EYA2: variants seen among roughly 807,000 people sequenced by gnomAD.
EYA2 encodes EYA transcriptional coactivator and phosphatase 2.
In EYA2, 31 loss-of-function variants were observed where a neutral mutation model predicts 69.2. The ratio of observed to expected loss-of-function variants is 0.45; its 90% CI spans 0.34 to 0.60. The LOEUF is 0.60. EYA2 is among the 20% of genes least tolerant of loss of function. The pLI is 0.02. For synonymous variants in EYA2, 257 were observed against 279.4 expected, an observed-to-expected ratio of 0.92 and a Z score of 0.80; for missense variants, 622 against 701.2, an observed-to-expected ratio of 0.89 and a Z score of 1.28.
chr20:46,982,775 CTT>C (rs10701469), intron 1 of EYA2, among the ~76,000 whole-genome samples: 24 of 137,338 alleles, frequency 1.7e-4, no homozygotes, highest in East Asian at 4.1e-4. Flanking sequence ...CTGTAATTTC[CTT>C]TTTTTTTTTT....
intron 5 of EYA2, among the ~76,000 whole-genome samples, chr20:47,041,838 AT>A (rs11355706): frequency 0.028 from 4,190 of 150,250 alleles, 205 homozygotes; most frequent in African/African-American, 0.095. Flanking sequence ...CTATTATTTG[AT>A]TTTTTTTTTA....
intron 8 of EYA2, among the ~76,000 whole-genome samples, chr20:47,093,997 A>G (rs538645029): frequency 4.3e-4 from 65 of 152,276 alleles, no homozygotes; most frequent in African/African-American, 1.5e-3. Context: ...CCTAGCCCCA[A>G]TTTTAAATTG....
At chr20:47,119,148 T>C (rs1056435150) in intron 9 of EYA2, among the ~76,000 whole-genome samples, 1 of 152,226 alleles carries the variant, frequency 6.6e-6, no homozygotes, top group African/African-American at 2.4e-5. Context: ...ACCTGCACTT[T>C]TTACACTACT....
chr20:46,901,052 A>C (rs892088215), intron 1 of EYA2: 36 of 152,206 alleles, frequency 2.4e-4, no homozygotes. Flanking sequence ...AAGTGGACAC[A>C]GAAAGCGGGT....
intron 1 of EYA2, among the ~76,000 whole-genome samples, chr20:46,928,825 C>T (rs1301756455): frequency 6.6e-6 from 1 of 152,182 alleles, no homozygotes; most frequent in Non-Finnish European, 1.5e-5. Flanking sequence ...CTTTCAGGGA[C>T]TGCTATACAG....
intron 1 of EYA2, among the ~76,000 whole-genome samples, chr20:46,921,078 A>T (rs1267366956): frequency 6.6e-6 from 1 of 152,160 alleles, no homozygotes; most frequent in Non-Finnish European, 1.5e-5. Context: ...GGCTGGGTAG[A>T]TGCCATTTCT....
intron 5 of EYA2, among the ~76,000 whole-genome samples, chr20:47,053,383 C>T (rs185491665): frequency 7.9e-5 from 12 of 152,078 alleles, no homozygotes; most frequent in African/African-American, 2.9e-4. Context: ...GAGTAACATT[C>T]GGCCGGGTGC....
At position 47,020,599 on chromosome 20, in the gene EYA2, GA is replaced by G. The variant is rs371558551; in HGVS notation, c.415+4309del. 9.6e-3 allele frequency among the ~76,000 whole-genome samples: 1,455 copies of G among 152,112 alleles called. 18 individuals are homozygous for G. Among genetic ancestry groups the G allele is most frequent in the African/African-American group, 0.032 (1,310 of 41,486 alleles). ...TAACCACAAAGATTAAAAAGAGGGGGAAAAAAATCTCCAGAGTGTGTTATAA... is the reference window on the plus strand; with the variant it reads ...TAACCACAAAGATTAAAAAGAGGGGGAAAAAATCTCCAGAGTGTGTTATAA... On this transcript the variant is annotated intron_variant, in intron 5 of 15. Transcript: ENST00000327619.
At chr20:46,957,575 AC>A (rs35077194) in intron 1 of EYA2, among the ~76,000 whole-genome samples, 21,604 of 109,536 alleles carry the variant, frequency 0.2, 1,953 homozygotes, top group Middle Eastern at 0.22. Flanking sequence ...ACACACACAC[AC>A]ACGAAGACAA....
intron 1 of EYA2, among the ~76,000 whole-genome samples, chr20:46,913,426 G>T (rs1053973936): frequency 6.6e-6 from 1 of 152,126 alleles, no homozygotes; most frequent in Non-Finnish European, 1.5e-5. Context: ...TCAGATTTTT[G>T]ACTTCTAAGC....
At chr20:47,091,609 G>T (rs1484719049) in intron 8 of EYA2, among the ~76,000 whole-genome samples, 8 of 149,778 alleles carry the variant, frequency 5.3e-5, no homozygotes, top group Non-Finnish European at 1.2e-4. Flanking sequence ...GCCAGCCATG[G>T]TGGCACACAC....
intron 10 of EYA2, among the ~76,000 whole-genome samples, chr20:47,165,036 C>G (rs2034153807): frequency 6.6e-6 from 1 of 152,204 alleles, no homozygotes; most frequent in African/African-American, 2.4e-5. Context: ...CTGCAGCGTT[C>G]ACTGCAATAA....
intron 8 of EYA2, among the ~76,000 whole-genome samples, chr20:47,093,839 C>T (rs1267405111): frequency 6.6e-6 from 1 of 152,230 alleles, no homozygotes. Flanking sequence ...ACGCCAAACT[C>T]GCTGAGTCAC....
chr20:46,928,800 A>T (rs1985526712), intron 1 of EYA2, among the ~76,000 whole-genome samples: 1 of 152,220 alleles, frequency 6.6e-6, no homozygotes, highest in African/African-American at 2.4e-5. Flanking sequence ...CTGAGTCAGG[A>T]TGCAGATGGG....
chr20:46,946,890 CTTTG>C (rs1206861342), intron 1 of EYA2, among the ~76,000 whole-genome samples: 1 of 151,420 alleles, frequency 6.6e-6, no homozygotes, highest in African/African-American at 2.4e-5. Context: ...GTTTCTACTT[CTTTG>C]TTTGATCCCC....
At chr20:47,153,059 A>G (rs906166788) in intron 10 of EYA2, among the ~76,000 whole-genome samples, 6 of 151,938 alleles carry the variant, frequency 3.9e-5, no homozygotes, top group Non-Finnish European at 8.8e-5. Flanking sequence ...ACAGTCTTGT[A>G]CAAAGTGGAA....
At chr20:47,063,829 C>A (rs1266651479) in intron 5 of EYA2, among the ~76,000 whole-genome samples, 2 of 152,360 alleles carry the variant, frequency 1.3e-5, no homozygotes, top group East Asian at 3.9e-4. Context: ...TCCCACCACT[C>A]TGTGGGGTGT....
intron 9 of EYA2, among the ~76,000 whole-genome samples, chr20:47,113,938 A>G (rs947013): frequency 0.99 from 149,685 of 151,960 alleles, 73,741 homozygotes; most frequent in East Asian, 1. Flanking sequence ...AAATGGAACT[A>G]GGTGTCATTC....
intron 1 of EYA2, among the ~76,000 whole-genome samples, chr20:46,984,820 A>T (rs1380383446): frequency 3.3e-5 from 5 of 152,226 alleles, no homozygotes; most frequent in African/African-American, 1.2e-4. Context: ...GGAGATGTTC[A>T]TTGCAGCATT....
Sources: allele counts gnomAD v4.1 joint callset (sites outside exome capture counted in the v4.1 genomes callset), GRCh38; gene constraint gnomAD v4.1.1; transcripts MANE v1.5; gene names NCBI Gene and HGNC (gene_info 2026-07-23, HGNC 2026-07-21).